The following POLI variants were observed in gnomAD, a reference collection of about 807,000 sequenced individuals.
The protein encoded by POLI is DNA polymerase iota.
In POLI, 58 loss-of-function variants were observed where a neutral mutation model predicts 51.6. The observed-to-expected ratio is 1.12, with a 90% CI of 0.91 to 1.40. The LOEUF is 1.40. POLI is among the 40% of genes most tolerant of loss of function. The pLI is 0.00. For synonymous variants in POLI, 322 were observed against 299.7 expected, an observed-to-expected ratio of 1.07 and a Z score of -0.77; for missense variants, 921 against 871.3, an observed-to-expected ratio of 1.06 and a Z score of -0.72.
intron 1 of POLI, chr18:54,270,624 A>C (rs2086963224): frequency 6.6e-6 from 1 of 151,922 alleles, no homozygotes; most frequent in Non-Finnish European, 1.5e-5. Flanking sequence ...TTTTCTGCTA[A>C]CGTTCATTTT....
intron 3 of POLI, among the ~76,000 whole-genome samples, chr18:54,275,217 T>C (rs2087186421): frequency 6.6e-6 from 1 of 152,136 alleles, no homozygotes; most frequent in Non-Finnish European, 1.5e-5. Flanking sequence ...CCCAGCACTT[T>C]TGGAGCTGAG....
chr18:54,300,095 G>A (rs922518556), downstream of POLI, among the ~76,000 whole-genome samples: 1 of 151,638 alleles, frequency 6.6e-6, no homozygotes, highest in Admixed American at 6.6e-5. Context: ...AAGTCCAACA[G>A]GCAGGAAGAG....
rs2088223746 is a variant in POLI at position 54,294,783 on chromosome 18, C to G, written c.*316C>G. On this transcript the variant is annotated 3_prime_UTR_variant, in exon 10 of 10. Coordinates refer to ENST00000579534, the MANE Select transcript of POLI (RefSeq NM_007195.3). ...GTATATGTTTATATATAAAAAATAG[C>G]CAAATCGTTGCAATGATATGGTAAA... 2 of 989,300 alleles carry G rather than the reference C, an allele frequency of 2.0e-6. No individual in the cohort carries two copies. 61.3% of individuals were successfully genotyped at this position (989,300 alleles called of 1,614,324 possible). A position where few individuals can be genotyped will look rare whatever the true frequency, so the allele number is the denominator to read the frequency against.
At chr18:54,287,201 T>G in intron 7 of POLI, 80 bp from the exon 8 acceptor site, 2 of 1,037,954 alleles carry the variant, frequency 1.9e-6, no homozygotes, top group South Asian at 3.1e-5. Flanking sequence ...ATCTGGCACC[T>G]TTAGATAAAT....
chr18:54,276,352 T>C (rs1335302688), intron 3 of POLI, among the ~76,000 whole-genome samples: 1 of 152,196 alleles, frequency 6.6e-6, no homozygotes, highest in Non-Finnish European at 1.5e-5. Flanking sequence ...AGTGAGACCC[T>C]GTCTCATTAA....
intron 3 of POLI, among the ~76,000 whole-genome samples, chr18:54,309,023 T>G (rs1462444688): frequency 6.6e-6 from 1 of 152,192 alleles, no homozygotes. Context: ...GCAATGGGTT[T>G]GAACATCCTC....
intron 3 of POLI, among the ~76,000 whole-genome samples, chr18:54,306,186 A>G (rs2088582975): frequency 6.6e-6 from 1 of 152,200 alleles, no homozygotes; most frequent in African/African-American, 2.4e-5. Context: ...GTTTTTGCCC[A>G]TTCAGTATGA....
At chr18:54,300,159 T>C (rs1392372982), downstream of POLI, among the ~76,000 whole-genome samples, 2 of 152,032 alleles carry the variant, frequency 1.3e-5, no homozygotes, top group Admixed American at 1.3e-4. Context: ...ACCAGAAATA[T>C]GAGTATATTT....
At chr18:54,270,142 C>A in intron 1 of POLI, 1 of 516,134 alleles carries the variant, frequency 1.9e-6, no homozygotes, top group Non-Finnish European at 2.5e-6. Flanking sequence ...TGGTCTTTAC[C>A]TTGTACCGCC....
At chr18:54,272,959 A>G (rs2087070533) in intron 2 of POLI, among the ~76,000 whole-genome samples, 1 of 152,150 alleles carries the variant, frequency 6.6e-6, no homozygotes, top group Non-Finnish European at 1.5e-5. Context: ...TTATATAAAA[A>G]TAATGTTGTT....
Position 54,282,821 on chromosome 18 carries a change from A to C in POLI, c.797-16A>C. Reference sequence around the variant, plus strand: ...GAAAAGCTATTTTAACATTGTATGCATTTCTTTTTATTTAGGTATTGGCTA... The same window carrying C: ...GAAAAGCTATTTTAACATTGTATGCCTTTCTTTTTATTTAGGTATTGGCTA... On this transcript the variant is annotated splice_polypyrimidine_tract_variant and intron_variant, in intron 5 of 9. Coordinates refer to ENST00000579534, the MANE Select transcript of POLI (RefSeq NM_007195.3). 1 of 1,423,884 alleles carries C rather than the reference A, an allele frequency of 7.0e-7. No individual in the cohort carries two copies. The highest frequency in any genetic ancestry group is 2.5e-5 in the East Asian group (1 of 40,490). The allele number at this position is 1,423,884 out of a possible 1,614,324, so 88.2% of individuals were successfully genotyped here.
chr18:54,272,761 C>T (rs754180274), intron 2 of POLI, among the ~76,000 whole-genome samples: 4 of 151,670 alleles, frequency 2.6e-5, no homozygotes, highest in Non-Finnish European at 5.9e-5. Flanking sequence ...CGTGAGCCAC[C>T]GTGCCCGACC....
intron 2 of POLI, among the ~76,000 whole-genome samples, chr18:54,272,453 G>A (rs777259587): frequency 2.6e-5 from 4 of 152,108 alleles, no homozygotes; most frequent in Non-Finnish European, 5.9e-5. Flanking sequence ...GGGGGAAAAC[G>A]AAAGTAGTCT....
intron 6 of POLI, among the ~76,000 whole-genome samples, chr18:54,283,454 A>AG (rs1379484913): frequency 2.0e-5 from 3 of 152,138 alleles, no homozygotes; most frequent in African/African-American, 7.2e-5. Flanking sequence ...CAAAGCATCA[A>AG]GGTAGGTAGT....
At chr18:54,306,688 T>G (rs921573615) in intron 3 of POLI, among the ~76,000 whole-genome samples, 2 of 152,230 alleles carry the variant, frequency 1.3e-5, no homozygotes, top group Non-Finnish European at 2.9e-5. Flanking sequence ...AATTCGGCTG[T>G]GAATTCATCT....
intron 7 of POLI, chr18:54,284,711 T>G (rs907274505): frequency 4.6e-5 from 7 of 152,378 alleles, no homozygotes; most frequent in African/African-American, 1.4e-4. Context: ...GCTGGCGCTG[T>G]GTGTGAGTAG....
chr18:54,294,383 C>G lies in POLI; in HGVS notation c.2139C>G (p.Phe713Leu). The G allele has an allele frequency of 6.2e-7, 1 of 1,613,560 alleles. No homozygotes were observed. The highest frequency in any genetic ancestry group is 8.5e-7 in the Non-Finnish European group (1 of 1,179,662). ...CTTCTGACATTGATCCTCAAGTTTT[C>G]TATGAACTACCAGAAGCAGTACAAA... ...TFPSDIDPQV[F>L]YELPEAVQKE... The change falls in exon 10 of 10, where the codon TTC becomes TTG. Residue 713 changes from phenylalanine to leucine, a missense_variant. Physicochemically the swap from Phe to Leu is conservative, Grantham distance 22. Coordinates refer to ENST00000579534, the MANE Select transcript of POLI (RefSeq NM_007195.3).
At chr18:54,272,977 T>C (rs1297807552) in intron 2 of POLI, among the ~76,000 whole-genome samples, 2 of 152,022 alleles carry the variant, frequency 1.3e-5, no homozygotes, top group African/African-American at 4.8e-5. Context: ...GTTTATGATA[T>C]CAAAATTTTA....
rs955445790 is a variant in POLI, at chr18:54,295,862, A to T, written c.*1395A>T. 7 of 567,806 alleles carry T rather than the reference A, an allele frequency of 1.2e-5. No homozygotes were observed. The highest frequency in any genetic ancestry group is 1.6e-5 in the Non-Finnish European group (7 of 448,688). The allele number at this position is 567,806 out of a possible 1,614,324, so 35.2% of individuals were successfully genotyped here. On this transcript the variant is annotated 3_prime_UTR_variant, in exon 10 of 10. Coordinates refer to ENST00000579534, the MANE Select transcript of POLI (RefSeq NM_007195.3). ...AGGCTGGTCTCGAACTCCTGGTCTC[A>T]GGTGATCCTCCACCTTGGCCTCCCA... is the stretch of plus-strand genomic sequence containing the variant.
Sources: allele counts gnomAD v4.1 joint callset (sites outside exome capture counted in the v4.1 genomes callset), GRCh38; gene constraint gnomAD v4.1.1; transcripts MANE v1.5; gene names NCBI Gene and HGNC (gene_info 2026-07-23, HGNC 2026-07-21).